Variants in HIPK2 observed in about 807,000 individuals in gnomAD.
The protein encoded by HIPK2 is homeodomain-interacting protein kinase 2.
In HIPK2, 27 loss-of-function variants were observed where a neutral mutation model predicts 113.7. The observed-to-expected ratio is 0.24, with a 90% confidence interval of 0.17 to 0.33. The LOEUF is 0.33. Among genes scored for constraint, HIPK2 ranks in the 10% least tolerant of loss-of-function variants. The pLI is 1.00. For synonymous variants in HIPK2, 631 were observed against 642.2 expected (o/e 0.98, Z 0.26); for missense variants, 1,257 against 1,588.0 (o/e 0.79, Z 3.54).
intron 6 of HIPK2, among the ~76,000 whole-genome samples, chr7:139,623,769 C>T (rs1338050836): frequency 7.9e-5 from 12 of 152,038 alleles, no homozygotes; most frequent in Non-Finnish European, 1.5e-5. Context: ...GGGGCGGGTC[C>T]AGCCTTGAGA....
chr7:139,566,224 T>C lies in HIPK2; in HGVS notation c.*6703A>G, dbSNP rs905745364. On this transcript the variant is annotated 3_prime_UTR_variant, in exon 15 of 15. Coordinates refer to ENST00000406875, the MANE Select transcript of HIPK2 (RefSeq NM_022740.5). This position sits in a 1 kb window ranked among gnomAD's most constrained non-coding sequence, Gnocchi z 4.1. The stretch of plus-strand genomic sequence containing the variant: ...GGTGATGCTGTGTAAAGGCCTTTCT[T>C]TGCTCAGACATGCAGGAGACAGCTG... 6.6e-6 allele frequency: 1 copy of C among 152,268 alleles called. No individual in the cohort carries two copies. The highest frequency in any genetic ancestry group is 1.9e-4 in the East Asian group (1 of 5,190). The allele number at this position is 152,268 out of a possible 1,614,324, so 9.4% of individuals were successfully genotyped here.
chr7:139,719,179 C>T (rs993765296), intron 1 of HIPK2, among the ~76,000 whole-genome samples: 2 of 152,082 alleles, frequency 1.3e-5, no homozygotes, highest in African/African-American at 4.8e-5. Flanking sequence ...TGCTCTGTCG[C>T]CCAGACTGGA....
At chr7:139,626,531 TA>T (rs1302742258) in intron 6 of HIPK2, 69 bp downstream of exon 6, 1 of 1,524,700 alleles carries the variant, frequency 6.6e-7, no homozygotes, top group Non-Finnish European at 8.9e-7. Flanking sequence ...CCGCAAAACC[TA>T]AAATATTTAG....
intron 2 of HIPK2, among the ~76,000 whole-genome samples, chr7:139,680,021 C>T (rs191385281): frequency 1.3e-5 from 2 of 152,168 alleles, no homozygotes; most frequent in South Asian, 2.1e-4. Flanking sequence ...AAAGGAATAG[C>T]GTGTGCAGGA....
intron 2 of HIPK2, among the ~76,000 whole-genome samples, chr7:139,712,380 G>C (rs986342039): frequency 6.6e-6 from 1 of 152,178 alleles, no homozygotes; most frequent in African/African-American, 2.4e-5. Flanking sequence ...GACAATGGTG[G>C]GATGAGACAC....
intron 2 of HIPK2, among the ~76,000 whole-genome samples, chr7:139,646,156 A>G (rs901798463): frequency 3.3e-5 from 5 of 152,114 alleles, no homozygotes; most frequent in Non-Finnish European, 7.3e-5. Context: ...TGAACCTTCA[A>G]CTTCCATGGA....
chr7:139,690,003 G>C (rs1794349973), intron 2 of HIPK2, among the ~76,000 whole-genome samples: 1 of 151,184 alleles, frequency 6.6e-6, no homozygotes, highest in Admixed American at 6.6e-5. Flanking sequence ...TGTGCACAGG[G>C]GGCTGGGGGA....
intron 2 of HIPK2, among the ~76,000 whole-genome samples, chr7:139,682,964 A>G (rs1392023446): frequency 1.3e-5 from 2 of 152,204 alleles, no homozygotes; most frequent in South Asian, 2.1e-4. Context: ...GTGGAGCAAG[A>G]GAGGCTGGTC....
At chr7:139,660,540 A>AAT (rs1569467305) in intron 2 of HIPK2, among the ~76,000 whole-genome samples, 1 of 152,234 alleles carries the variant, frequency 6.6e-6, no homozygotes, top group Non-Finnish European at 1.5e-5. Flanking sequence ...AGGTCAACCC[A>AAT]AAGGCCCCAT....
chr7:139,771,512 A>G (rs914569831), intron 1 of HIPK2, among the ~76,000 whole-genome samples: 1 of 152,114 alleles, frequency 6.6e-6, no homozygotes, highest in African/African-American at 2.4e-5. Flanking sequence ...GTAAGTTATA[A>G]CTTAGATGCA....
chr7:139,709,702 G>A (rs923084476), intron 2 of HIPK2, among the ~76,000 whole-genome samples: 18 of 152,180 alleles, frequency 1.2e-4, no homozygotes, highest in African/African-American at 4.3e-4. Flanking sequence ...TCTACTGACC[G>A]TGACTCAATG....
intron 2 of HIPK2, among the ~76,000 whole-genome samples, chr7:139,681,886 C>G (rs1255591298): frequency 6.6e-6 from 1 of 152,176 alleles, no homozygotes; most frequent in Non-Finnish European, 1.5e-5. Flanking sequence ...GGCCCTGGTT[C>G]TAGGACAGCA....
chr7:139,584,181 G>A, intron 12 of HIPK2, 117 bp from the exon 13 acceptor site: 2 of 1,386,192 alleles, frequency 1.4e-6, no homozygotes, highest in East Asian at 2.3e-5. Context: ...CAGGAACAGG[G>A]CTTTTGCCCT....
At chr7:139,601,353 T>C (rs529516388) in intron 10 of HIPK2, among the ~76,000 whole-genome samples, 2 of 152,338 alleles carry the variant, frequency 1.3e-5, no homozygotes, top group East Asian at 1.9e-4. Context: ...CTCTGTGACG[T>C]AGGCAGGATA....
chr7:139,656,769 C>T (rs1801684580), intron 2 of HIPK2, among the ~76,000 whole-genome samples: 1 of 152,206 alleles, frequency 6.6e-6, no homozygotes, highest in South Asian at 2.1e-4. Context: ...CACCGCAATA[C>T]TCTCCTTACT....
rs182956177 is a variant in HIPK2, at chr7:139,590,940, G to A, written c.2717+5777C>T. ...GCTCATTGCAGCCTCGAACTCCTGGGCGGAAGCAATCCTCCCATCTCAGCT... is the reference window on the plus strand; with the variant it reads ...GCTCATTGCAGCCTCGAACTCCTGGACGGAAGCAATCCTCCCATCTCAGCT... On this transcript the variant is annotated intron_variant, in intron 12 of 14. Transcript: ENST00000406875. Among the ~76,000 whole-genome samples the A allele has an allele frequency of 2.8e-3, 419 of 152,292 alleles. 1 individual carries two copies. The highest frequency in any genetic ancestry group is 3.9e-3 in the Admixed American group (60 of 15,304).
At chr7:139,590,188 T>C (rs1338003231) in intron 12 of HIPK2, among the ~76,000 whole-genome samples, 1 of 152,216 alleles carries the variant, frequency 6.6e-6, no homozygotes, top group Non-Finnish European at 1.5e-5. Context: ...AGTTGGTTAA[T>C]GCAAGTGAGA....
chr7:139,595,564 C>T (rs1799176942), intron 12 of HIPK2, among the ~76,000 whole-genome samples: 1 of 152,138 alleles, frequency 6.6e-6, no homozygotes, highest in Non-Finnish European at 1.5e-5. Flanking sequence ...CTACATTCTT[C>T]TCTGAAATAC....
intron 1 of HIPK2, among the ~76,000 whole-genome samples, chr7:139,736,458 A>G (rs1795941420): frequency 6.6e-6 from 1 of 152,204 alleles, no homozygotes; most frequent in Non-Finnish European, 1.5e-5. Context: ...AGGGTGGCCA[A>G]GGTGCTTCCC....
Sources: allele counts gnomAD v4.1 joint callset (sites outside exome capture counted in the v4.1 genomes callset), GRCh38; gene constraint gnomAD v4.1.1; non-coding constraint Gnocchi (gnomAD v3.1); transcripts MANE v1.5; gene names NCBI Gene and HGNC (gene_info 2026-07-23, HGNC 2026-07-21).